Variants in LHFPL3 observed in about 807,000 individuals in gnomAD.
LHFPL3 encodes the protein LHFPL tetraspan subfamily member 3, also known as LHFPL tetraspan subfamily member 3 protein.
Under a neutral mutation model 19.3 loss-of-function variants are expected in LHFPL3, and 5 were observed. The observed-to-expected ratio is 0.26, with a 90% CI of 0.14 to 0.54. LHFPL3 has a LOEUF of 0.54. Ranked by LOEUF, LHFPL3 falls within the 20% of genes least tolerant of loss-of-function variation. The pLI, the probability that LHFPL3 is intolerant of heterozygous loss-of-function variation, is 0.94. For missense variants in LHFPL3, 249 were observed against 307.4 expected, an observed-to-expected ratio of 0.81 and a Z score of 1.42; for synonymous variants, 133 against 126.2, an observed-to-expected ratio of 1.05 and a Z score of -0.36.
intron 2 of LHFPL3, among the ~76,000 whole-genome samples, chr7:104,737,854 T>TC (rs2116306735): frequency 6.6e-6 from 1 of 152,310 alleles, no homozygotes; most frequent in Admixed American, 6.5e-5. Flanking sequence ...GCTTATTATT[T>TC]CAAGTAGGTG....
intron 1 of LHFPL3, among the ~76,000 whole-genome samples, chr7:104,530,567 G>C (rs2115842434): frequency 6.6e-6 from 1 of 152,314 alleles, no homozygotes; most frequent in Middle Eastern, 3.4e-3. Flanking sequence ...GTGTATATTT[G>C]AGAATTTGAT....
chr7:104,574,806 C>T (rs10228455), intron 1 of LHFPL3, among the ~76,000 whole-genome samples: 53,339 of 151,876 alleles, frequency 0.35, 10,429 homozygotes, highest in African/African-American at 0.54. Flanking sequence ...GGTTTTGATA[C>T]TGGCAATATT....
chr7:104,608,640 G>GTAT lies in LHFPL3; in HGVS notation c.446-128034_446-128032dup. On this transcript the variant is annotated intron_variant, in intron 1 of 2. Coordinates refer to ENST00000424859, the MANE Select transcript of LHFPL3 (RefSeq NM_199000.3). ...GTGCACATGTACCCTAAAACTTAAA[G>GTAT]TATAATAATAATAATAATAATAAAA... 1.3e-5 allele frequency among the ~76,000 whole-genome samples: 2 copies of GTAT among 151,764 alleles called. 1 individual carries two copies. Among genetic ancestry groups the GTAT allele is most frequent in the Non-Finnish European group, 2.9e-5 (2 of 67,944 alleles).
At chr7:104,519,784 C>G (rs62485136) in intron 1 of LHFPL3, among the ~76,000 whole-genome samples, 3 of 152,166 alleles carry the variant, frequency 2.0e-5, no homozygotes, top group Admixed American at 6.6e-5. Context: ...CAGCTGTGTA[C>G]AAACACATCT....
intron 1 of LHFPL3, among the ~76,000 whole-genome samples, chr7:104,386,385 A>C (rs1209110069): frequency 6.6e-6 from 1 of 152,204 alleles, no homozygotes; most frequent in East Asian, 1.9e-4. Flanking sequence ...TTAATACCAC[A>C]GTTGCCTGAG....
intron 1 of LHFPL3, among the ~76,000 whole-genome samples, chr7:104,508,718 A>C (rs1793751353): frequency 6.6e-6 from 1 of 151,876 alleles, no homozygotes; most frequent in Non-Finnish European, 1.5e-5. Flanking sequence ...ATCTAGAAAA[A>C]GCAGAGCAAA....
At chr7:104,575,349 A>T (rs1790305641) in intron 1 of LHFPL3, among the ~76,000 whole-genome samples, 1 of 152,082 alleles carries the variant, frequency 6.6e-6, no homozygotes, top group Non-Finnish European at 1.5e-5. Context: ...ATATGCCTCT[A>T]CTTACTTTGA....
At chr7:104,409,724 T>G (rs1791497150) in intron 1 of LHFPL3, among the ~76,000 whole-genome samples, 1 of 152,216 alleles carries the variant, frequency 6.6e-6, no homozygotes, top group South Asian at 2.1e-4. Context: ...TCATTGTATT[T>G]AAATGATTAA....
intron 2 of LHFPL3, among the ~76,000 whole-genome samples, chr7:104,812,928 A>G (rs753364851): frequency 1.7e-4 from 26 of 151,750 alleles, no homozygotes; most frequent in Non-Finnish European, 2.9e-4. Context: ...CCTGGCCAAC[A>G]TGGTGAAACC....
At chr7:104,393,378 C>A (rs1791117504) in intron 1 of LHFPL3, among the ~76,000 whole-genome samples, 1 of 150,858 alleles carries the variant, frequency 6.6e-6, no homozygotes, top group African/African-American at 2.4e-5. Context: ...TCCATAATAA[C>A]CACAAAGTAA....
intron 2 of LHFPL3, among the ~76,000 whole-genome samples, chr7:104,795,070 A>G (rs148494085): frequency 6.6e-6 from 1 of 152,342 alleles, no homozygotes; most frequent in African/African-American, 2.4e-5. Flanking sequence ...GTCCCCTAGA[A>G]ACAAGTCACC....
At chr7:104,667,944 C>T (rs1306615440) in intron 1 of LHFPL3, 7 of 1,613,220 alleles carry the variant, frequency 4.3e-6, no homozygotes, top group African/African-American at 1.3e-5. Context: ...GTACAGGGCG[C>T]CTCCAATTGA....
At chr7:104,480,237 G>C (rs2115653892) in intron 1 of LHFPL3, among the ~76,000 whole-genome samples, 1 of 152,250 alleles carries the variant, frequency 6.6e-6, no homozygotes, top group South Asian at 2.1e-4. Flanking sequence ...TAGTGATTCT[G>C]CCTCACAGAA....
chr7:104,801,802 C>A (rs545559189), intron 2 of LHFPL3, among the ~76,000 whole-genome samples: 1 of 152,232 alleles, frequency 6.6e-6, no homozygotes, highest in African/African-American at 2.4e-5. Context: ...AATCTCCTGA[C>A]CTCATGATCC....
intron 2 of LHFPL3, among the ~76,000 whole-genome samples, chr7:104,844,664 T>C (rs755145806): frequency 3.3e-5 from 5 of 152,242 alleles, no homozygotes; most frequent in African/African-American, 4.8e-5. Flanking sequence ...ACAACAATGA[T>C]GTCTAACTCT....
chr7:104,502,287 G>C (rs1793610283), intron 1 of LHFPL3, among the ~76,000 whole-genome samples: 1 of 152,156 alleles, frequency 6.6e-6, no homozygotes, highest in Non-Finnish European at 1.5e-5. Context: ...TTGTCCCATG[G>C]ATTGGAATTT....
At chr7:104,435,602 AAC>A (rs1212732534) in intron 1 of LHFPL3, among the ~76,000 whole-genome samples, 2 of 151,464 alleles carry the variant, frequency 1.3e-5, no homozygotes, top group Non-Finnish European at 2.9e-5. Flanking sequence ...TCACTCAAGA[AAC>A]ACACTGTTAC....
intron 2 of LHFPL3, among the ~76,000 whole-genome samples, chr7:104,806,452 C>T (rs985705747): frequency 2.6e-5 from 4 of 152,174 alleles, no homozygotes; most frequent in African/African-American, 9.7e-5. Context: ...AAGTTGTCTT[C>T]ATTACAAATA....
intron 2 of LHFPL3, among the ~76,000 whole-genome samples, chr7:104,902,215 A>G (rs1792499792): frequency 6.6e-6 from 1 of 152,034 alleles, no homozygotes; most frequent in Non-Finnish European, 1.5e-5. Flanking sequence ...CCCCATCTCT[A>G]TAAAAAAAAA....
Sources: allele counts gnomAD v4.1 joint callset (sites outside exome capture counted in the v4.1 genomes callset), GRCh38; gene constraint gnomAD v4.1.1; transcripts MANE v1.5; gene names NCBI Gene and HGNC (gene_info 2026-07-23, HGNC 2026-07-21).